TMEM132B: variants seen among roughly 807,000 people sequenced by gnomAD.
TMEM132B encodes the protein transmembrane protein 132B.
A neutral mutation model predicts 90.8 loss-of-function variants in TMEM132B; 18 were observed. The ratio of observed to expected loss-of-function variants is 0.20; its 90% CI spans 0.14 to 0.29. The LOEUF is 0.29. Ranked by LOEUF, TMEM132B falls within the 10% of genes least tolerant of loss-of-function variation. The probability of loss-of-function intolerance (pLI) is 1.00; values close to 1 mark genes in which losing one functional copy is unlikely to be tolerated. For missense variants in TMEM132B, 1,096 were observed against 1,326.8 expected, an observed-to-expected ratio of 0.83 and a Z score of 2.70; for synonymous variants, 504 against 523.3, an observed-to-expected ratio of 0.96 and a Z score of 0.50.
intron 1 of TMEM132B, among the ~76,000 whole-genome samples, chr12:125,267,277 A>T (rs947859392): frequency 2.6e-5 from 4 of 151,986 alleles, no homozygotes; most frequent in Non-Finnish European, 4.4e-5. Flanking sequence ...CCTCATCTCT[A>T]TAGGTGTATT....
rs1246435871 is a variant in TMEM132B at position 125,654,767 on chromosome 12, CA to C, written c.*58del. 6.4e-7 allele frequency: 1 copy of C among 1,551,106 alleles called. No homozygotes were observed. Among genetic ancestry groups the C allele is most frequent in the Non-Finnish European group, 8.7e-7 (1 of 1,144,682 alleles). On this transcript the variant is annotated 3_prime_UTR_variant, in exon 9 of 9. Coordinates refer to ENST00000682704, the MANE Select transcript of TMEM132B (RefSeq NM_001366854.1). This position sits in a 1 kb window ranked among gnomAD's most constrained non-coding sequence, Gnocchi z 5.8. ...GCCTTCTGTTTTTTGAATGCTGGAG[CA>C]GTGAGTTTGATCAGCAATAGGGGAT...
chr12:125,579,524 G>A (rs1466312565), intron 4 of TMEM132B, among the ~76,000 whole-genome samples: 2 of 151,610 alleles, frequency 1.3e-5, no homozygotes, highest in African/African-American at 4.8e-5. Context: ...CACCACACCT[G>A]GCTAATTTTT....
At chr12:125,378,395 A>G (rs557012685) in intron 2 of TMEM132B, among the ~76,000 whole-genome samples, 36 of 152,332 alleles carry the variant, frequency 2.4e-4, no homozygotes, top group African/African-American at 8.4e-4. Context: ...TCAGTCAAGC[A>G]GGGCCTTAGT....
rs148628673 is a variant in TMEM132B at position 125,281,249 on chromosome 12, G to A, written c.68-68203G>A. On this transcript the variant is annotated intron_variant, in intron 1 of 8. Coordinates refer to ENST00000682704, the MANE Select transcript of TMEM132B (RefSeq NM_001366854.1). ...AGCAGGAATGGGCCAGGGCAGGCAG[G>A]GAAGCCCGGGGACTGGGGCGGGCGA... 5.9e-3 allele frequency among the ~76,000 whole-genome samples: 897 copies of A among 152,080 alleles called. 14 individuals carry two copies. The highest frequency in any genetic ancestry group is 0.021 in the African/African-American group (858 of 41,584).
At chr12:125,276,634 T>C (rs1440173478) in intron 1 of TMEM132B, among the ~76,000 whole-genome samples, 1 of 152,162 alleles carries the variant, frequency 6.6e-6, no homozygotes, top group East Asian at 1.9e-4. Flanking sequence ...TGTGTGGGTG[T>C]GAGTCCCTCG....
intron 5 of TMEM132B, among the ~76,000 whole-genome samples, chr12:125,613,777 T>C (rs1885921058): frequency 6.6e-6 from 1 of 152,074 alleles, no homozygotes; most frequent in Non-Finnish European, 1.5e-5. Context: ...CTTTATATAA[T>C]GTTATGTCTC....
rs1055572575 is a variant in TMEM132B, at chr12:125,222,830, A to C, written c.67+35964A>C. On this transcript the variant is annotated intron_variant, in intron 1 of 8. Transcript: ENST00000682704. ...CAAAAATGTCTCTAGACATTGACAAATGTCCCTGGGGGGCAAGATTGCCCC... is the reference window on the plus strand; with the variant it reads ...CAAAAATGTCTCTAGACATTGACAACTGTCCCTGGGGGGCAAGATTGCCCC... Among the ~76,000 whole-genome samples the C allele has an allele frequency of 3.9e-5, 6 of 152,254 alleles. No homozygotes were observed. In the East Asian group the frequency reaches 7.7e-4, roughly 20 times the overall value.
chr12:125,321,717 AT>A (rs1212940572), intron 1 of TMEM132B, among the ~76,000 whole-genome samples: 7 of 152,074 alleles, frequency 4.6e-5, no homozygotes, highest in African/African-American at 1.7e-4. Context: ...ACCTCAGGTG[AT>A]CCACCCACCT....
chr12:125,319,984 G>A (rs527546591), intron 1 of TMEM132B, among the ~76,000 whole-genome samples: 9 of 152,122 alleles, frequency 5.9e-5, no homozygotes, highest in African/African-American at 1.9e-4. Context: ...GCCATTGCAC[G>A]CCGGCCTGGG....
At chr12:125,483,110 G>C (rs1423577214) in intron 3 of TMEM132B, among the ~76,000 whole-genome samples, 1 of 151,908 alleles carries the variant, frequency 6.6e-6, no homozygotes, top group African/African-American at 2.4e-5. Context: ...TGGGGGGTTG[G>C]GGGAGGGATA....
intron 5 of TMEM132B, among the ~76,000 whole-genome samples, chr12:125,609,052 A>AG (rs1885763839): frequency 6.6e-6 from 1 of 152,158 alleles, no homozygotes; most frequent in Admixed American, 6.5e-5. Context: ...GAGAGCCAGC[A>AG]GGGGAAATGC....
chr12:125,288,015 C>T (rs2136141731), intron 1 of TMEM132B, among the ~76,000 whole-genome samples: 1 of 152,070 alleles, frequency 6.6e-6, no homozygotes, highest in Non-Finnish European at 1.5e-5. Context: ...CTATAGGTGC[C>T]TGGTACCACC....
At chr12:125,544,817 C>G (rs1052893549) in intron 4 of TMEM132B, among the ~76,000 whole-genome samples, 2 of 152,050 alleles carry the variant, frequency 1.3e-5, no homozygotes, top group Non-Finnish European at 2.9e-5. Context: ...AAAAAGTGAC[C>G]CTGAATGAAT....
chr12:125,643,888 G>C (rs1389821602), intron 5 of TMEM132B, among the ~76,000 whole-genome samples, 188 bp from the exon 6 acceptor site: 1 of 152,156 alleles, frequency 6.6e-6, no homozygotes, highest in Non-Finnish European at 1.5e-5. Flanking sequence ...TAGTTTTCCT[G>C]GAGTCTATTT....
At position 125,504,102 on chromosome 12, in the gene TMEM132B, C is replaced by T. The variant is rs114065668; in HGVS notation, c.1107-15337C>T. Among the ~76,000 whole-genome samples, 506 of 152,268 alleles carry T rather than the reference C, an allele frequency of 3.3e-3. 5 individuals are homozygous for T. The highest frequency in any genetic ancestry group is 0.011 in the African/African-American group (472 of 41,560). ...AATTTCTGTTTCCTGGAGGAGAGCT[C>T]TTCACTTAGGGAGATTTACACATTT... On this transcript the variant is annotated intron_variant, in intron 3 of 8. Coordinates refer to ENST00000682704, the MANE Select transcript of TMEM132B (RefSeq NM_001366854.1).
chr12:125,487,950 T>A lies in TMEM132B; in HGVS notation c.1107-31489T>A, dbSNP rs533357280. On this transcript the variant is annotated intron_variant, in intron 3 of 8. Transcript: ENST00000682704. The stretch of plus-strand genomic sequence containing the variant: ...CTGTATTATGATTAAATGTTTCCTG[T>A]GTCTTGGTTTTGTCTCTTCCATTGT... Among the ~76,000 whole-genome samples, 11 of 152,332 alleles carry A rather than the reference T, an allele frequency of 7.2e-5. No homozygotes were observed. In the South Asian group the frequency reaches 2.3e-3, roughly 32 times the overall value.
intron 5 of TMEM132B, among the ~76,000 whole-genome samples, chr12:125,617,218 A>C (rs1486115487): frequency 6.6e-6 from 1 of 152,046 alleles, no homozygotes; most frequent in Non-Finnish European, 1.5e-5. Context: ...CTGACTGATA[A>C]ATTTAATTAA....
chr12:125,553,665 T>G (rs955262064), intron 4 of TMEM132B, among the ~76,000 whole-genome samples: 7 of 150,630 alleles, frequency 4.6e-5, no homozygotes, highest in Non-Finnish European at 1.0e-4. Context: ...TTAAATGAAA[T>G]GAATCACATA....
chr12:125,559,979 G>T (rs1849688271), intron 4 of TMEM132B, among the ~76,000 whole-genome samples: 1 of 152,192 alleles, frequency 6.6e-6, no homozygotes, highest in Non-Finnish European at 1.5e-5. Context: ...CCCTAAGTTC[G>T]AATCCAGCGC....
Sources: allele counts gnomAD v4.1 joint callset (sites outside exome capture counted in the v4.1 genomes callset), GRCh38; gene constraint gnomAD v4.1.1; non-coding constraint Gnocchi (gnomAD v3.1); transcripts MANE v1.5; gene names NCBI Gene and HGNC (gene_info 2026-07-23, HGNC 2026-07-21).